WNK3: variants seen among roughly 807,000 people sequenced by gnomAD.
WNK3 encodes the protein serine/threonine-protein kinase WNK3.
A neutral mutation model predicts 116.7 loss-of-function variants in WNK3; 18 were observed. That is an observed-to-expected ratio of 0.15 (90% CI 0.11 to 0.23). The LOEUF is 0.23. Among genes scored for constraint, WNK3 ranks in the 10% least tolerant of loss-of-function variants. The pLI is 1.00. For synonymous variants in WNK3, 404 were observed against 469.4 expected (o/e 0.86, Z 1.80); for missense variants, 993 against 1,323.8 (o/e 0.75, Z 3.88).
intron 1 of WNK3, among the ~76,000 whole-genome samples, chrX:54,344,077 T>C (rs187455313): frequency 1.2e-4 from 13 of 112,327 alleles, no homozygotes; most frequent in Admixed American, 1.1e-3. Context: ...AATATAAAAA[T>C]ATAAGTATTT....
At chrX:54,342,519 T>C (rs1391257189) in intron 1 of WNK3, among the ~76,000 whole-genome samples, 3 of 109,334 alleles carry the variant, frequency 2.7e-5, no homozygotes, top group African/African-American at 6.7e-5. Flanking sequence ...TGAGCCAAGA[T>C]AGTGCCATTG....
rs1273746835 is a variant in WNK3 at position 54,333,130 on chromosome X, T to C, written c.537+7A>G. On this transcript the variant is annotated splice_region_variant and intron_variant, in intron 2 of 23. Transcript: ENST00000354646. ...ATTTATTATAACCAAGAAGATTATA[T>C]ACCTACCTGCAGCTCACACCAAGCA... 4 of 1,170,589 alleles carry C rather than the reference T, an allele frequency of 3.4e-6. No individual in the cohort carries two copies.
At chrX:54,263,289 T>C (rs1431876113) in intron 10 of WNK3, among the ~76,000 whole-genome samples, 1 of 112,371 alleles carries the variant, frequency 8.9e-6, no homozygotes, top group Non-Finnish European at 1.9e-5. Context: ...TATTATGTTA[T>C]TGATGTTACA....
chrX:54,217,956 A>T (rs190989095), intron 22 of WNK3, among the ~76,000 whole-genome samples: 1 of 111,808 alleles, frequency 8.9e-6, no homozygotes, highest in Non-Finnish European at 1.9e-5. Context: ...AAATTAAGAG[A>T]CACGCAAAGA....
intron 1 of WNK3, among the ~76,000 whole-genome samples, chrX:54,335,552 C>T (rs2069223993): frequency 9.0e-6 from 1 of 111,409 alleles, no homozygotes; most frequent in Admixed American, 9.7e-5. Context: ...ATGTTACGCA[C>T]CTCAAAGGGC....
At chrX:54,343,476 A>C (rs1361769694) in intron 1 of WNK3, 1 of 110,794 alleles carries the variant, frequency 9.0e-6, no homozygotes, top group Non-Finnish European at 1.9e-5. Flanking sequence ...ACTGCACTCC[A>C]GCCTGAGCAA....
intron 1 of WNK3, among the ~76,000 whole-genome samples, chrX:54,351,311 C>CT (rs1239812121): frequency 3.8e-4 from 40 of 104,859 alleles, no homozygotes; most frequent in Admixed American, 5.2e-4. Flanking sequence ...ACAACCAACT[C>CT]TTTTTTTTTT....
intron 2 of WNK3, among the ~76,000 whole-genome samples, chrX:54,315,079 C>T (rs2068936855): frequency 9.1e-6 from 1 of 109,538 alleles, no homozygotes; most frequent in African/African-American, 3.3e-5. Flanking sequence ...GTGAATCGTT[C>T]GAGCTCAGGA....
Position 54,236,995 on chromosome X carries a change from T to A in WNK3, c.4571A>T (p.Asp1524Val), listed in dbSNP as rs1307607722. The change falls in exon 20 of 24, where the codon GAT becomes GTT. Residue 1524 changes from aspartate to valine, a missense_variant. Physicochemically the swap from Asp to Val is radical, Grantham distance 152. This residue lies in a region of WNK3 where 836 missense variants were observed against 976.5 expected (regional missense o/e 0.86). Transcript: ENST00000354646. ...GTCCTCATCCTCTATTTCTGATTCATCATCACTGCTCATTGGGGAAGATGG... is the reference window on the plus strand; with the variant it reads ...GTCCTCATCCTCTATTTCTGATTCAACATCACTGCTCATTGGGGAAGATGG... The A allele has an allele frequency of 8.3e-7, 1 of 1,210,534 alleles. No homozygotes were observed. The highest frequency in any genetic ancestry group is 2.2e-5 in the Admixed American group (1 of 45,835).
intron 22 of WNK3, chrX:54,223,263 C>G (rs2067791952): frequency 9.0e-6 from 1 of 110,551 alleles, no homozygotes; most frequent in African/African-American, 3.3e-5. Flanking sequence ...AAGCAGTAAC[C>G]AAAAGAAAGC....
chrX:54,352,061 A>C (rs782390504), intron 1 of WNK3, among the ~76,000 whole-genome samples: 1 of 111,611 alleles, frequency 9.0e-6, no homozygotes, highest in South Asian at 3.7e-4. Flanking sequence ...AAAAAGACAA[A>C]CAACCAAATT....
chrX:54,334,365 A>G (rs1363398273), intron 1 of WNK3, among the ~76,000 whole-genome samples: 1 of 111,513 alleles, frequency 9.0e-6, no homozygotes, highest in Non-Finnish European at 1.9e-5. Flanking sequence ...CCAGTTAAAC[A>G]ATGATTCCCT....
intron 22 of WNK3, among the ~76,000 whole-genome samples, chrX:54,202,563 C>T (rs931383104): frequency 4.6e-5 from 5 of 109,607 alleles, no homozygotes; most frequent in Non-Finnish European, 9.5e-5. Flanking sequence ...TGGTGGTGGA[C>T]GCCTGTAATC....
intron 10 of WNK3, among the ~76,000 whole-genome samples, chrX:54,264,794 G>A (rs1414914649): frequency 9.0e-6 from 1 of 110,636 alleles, no homozygotes; most frequent in African/African-American, 3.3e-5. Context: ...AACTGATCAG[G>A]CACAGTCTTG....
chrX:54,244,204 G>A (rs2068052863), intron 17 of WNK3, among the ~76,000 whole-genome samples: 1 of 111,525 alleles, frequency 9.0e-6, no homozygotes, highest in Non-Finnish European at 1.9e-5. Flanking sequence ...TCACTGGATC[G>A]AACACTGTAA....
At chrX:54,262,635 T>C (rs782352472) in intron 10 of WNK3, among the ~76,000 whole-genome samples, 12 of 110,891 alleles carry the variant, frequency 1.1e-4, no homozygotes, top group Middle Eastern at 4.6e-3. Context: ...ATGGAGTCCC[T>C]GGAGTCAAAC....
intron 2 of WNK3, among the ~76,000 whole-genome samples, chrX:54,322,330 A>G (rs1375732793): frequency 1.8e-5 from 2 of 111,864 alleles, no homozygotes; most frequent in Non-Finnish European, 3.8e-5. Context: ...CTTGTATCCT[A>G]GATTTAGGAG....
At chrX:54,292,751 G>C in intron 10 of WNK3, 137 bp downstream of exon 10, 2 of 457,954 alleles carry the variant, frequency 4.4e-6, no homozygotes, top group Non-Finnish European at 6.8e-6. Context: ...GTGAAGGAAA[G>C]CATAAACAAC....
At chrX:54,287,799 G>A (rs1038216997) in intron 10 of WNK3, among the ~76,000 whole-genome samples, 2 of 111,725 alleles carry the variant, frequency 1.8e-5, no homozygotes, top group Non-Finnish European at 3.8e-5. Flanking sequence ...CTGAAGTGCT[G>A]TATCTATTAT....
Sources: gnomAD v4.1 joint callset for allele counts (sites outside exome capture counted in the v4.1 genomes callset) on GRCh38, gnomAD v4.1.1 for gene constraint, gnomAD v4.1.1 regional missense constraint, MANE v1.5 for transcripts, NCBI Gene and HGNC (gene_info 2026-07-23, HGNC 2026-07-21) for gene names.